Variants in ABCA13 observed in about 807,000 individuals in gnomAD.
ABCA13 encodes the protein ATP-binding cassette sub-family A member 13.
ABCA13 carries 476 observed loss-of-function variants against 478.7 expected under a neutral mutation model. The observed-to-expected ratio is 0.99, with a 90% confidence interval of 0.92 to 1.07. The LOEUF (loss-of-function observed/expected upper bound fraction) is 1.07, where lower values mean the gene tolerates loss of function less well. Among genes scored for constraint, ABCA13 ranks in the 50% least tolerant of loss-of-function variants. The pLI, the probability that ABCA13 is intolerant of heterozygous loss-of-function variation, is 0.00. For missense variants in ABCA13, 6,060 were observed against 5,910.6 expected (o/e 1.03, Z -0.83); for synonymous variants, 2,252 against 2,158.9 (o/e 1.04, Z -1.20).
At chr7:48,389,353 G>A (rs1306021692) in intron 37 of ABCA13, 133 bp downstream of exon 37, 9 of 1,035,138 alleles carry the variant, frequency 8.7e-6, no homozygotes, top group East Asian at 2.6e-5. Context: ...TTAGAGACAC[G>A]GGTGAAAGGC....
At chr7:48,225,771 G>A (rs1188906990) in intron 5 of ABCA13, among the ~76,000 whole-genome samples, 1 of 152,152 alleles carries the variant, frequency 6.6e-6, no homozygotes, top group African/African-American at 2.4e-5. Context: ...CATGCTGATA[G>A]GAATGAACCG....
intron 59 of ABCA13, among the ~76,000 whole-genome samples, chr7:48,619,223 A>G (rs1432862546): frequency 6.6e-6 from 1 of 152,218 alleles, no homozygotes; most frequent in Non-Finnish European, 1.5e-5. Flanking sequence ...CTTTGAGATT[A>G]TAGAGTTGTA....
intron 20 of ABCA13, among the ~76,000 whole-genome samples, chr7:48,291,674 C>T (rs1179521765): frequency 6.6e-5 from 10 of 152,110 alleles, no homozygotes; most frequent in African/African-American, 1.9e-4. Flanking sequence ...CAGGCATGCC[C>T]GGGTTATGTG....
chr7:48,547,360 T>C (rs1249475845), intron 55 of ABCA13, among the ~76,000 whole-genome samples: 2 of 152,064 alleles, frequency 1.3e-5, no homozygotes, highest in East Asian at 3.9e-4. Context: ...ACAAAGTATC[T>C]CTTAGCTGAA....
At chr7:48,579,015 A>T (rs144612345) in intron 55 of ABCA13, among the ~76,000 whole-genome samples, 60 of 152,374 alleles carry the variant, frequency 3.9e-4, no homozygotes, top group Non-Finnish European at 7.8e-4. Flanking sequence ...TGATTGTAAA[A>T]TACAAATTAT....
chr7:48,242,806 A>G (rs1221203271), intron 10 of ABCA13, among the ~76,000 whole-genome samples: 1 of 152,204 alleles, frequency 6.6e-6, no homozygotes, highest in African/African-American at 2.4e-5. Context: ...TATATCTTTT[A>G]TCATTAGCTT....
chr7:48,474,995 G>A (rs1476280627), intron 45 of ABCA13, among the ~76,000 whole-genome samples: 1 of 152,200 alleles, frequency 6.6e-6, no homozygotes, highest in African/African-American at 2.4e-5. Flanking sequence ...TGCAAATGCT[G>A]GATAAAGCAG....
At chr7:48,556,510 A>T (rs1785843319) in intron 55 of ABCA13, among the ~76,000 whole-genome samples, 1 of 151,882 alleles carries the variant, frequency 6.6e-6, no homozygotes, top group African/African-American at 2.4e-5. Flanking sequence ...AATATTTACA[A>T]TTGTTTTACC....
chr7:48,336,424 A>G (rs1425918903), intron 28 of ABCA13, among the ~76,000 whole-genome samples: 1 of 152,200 alleles, frequency 6.6e-6, no homozygotes. Flanking sequence ...GTTGGAAGCA[A>G]GGTTGTCAGT....
chr7:48,542,104 T>C (rs1404097328), intron 55 of ABCA13, among the ~76,000 whole-genome samples: 2 of 151,606 alleles, frequency 1.3e-5, no homozygotes, highest in African/African-American at 4.8e-5. Context: ...AGAAATTCTG[T>C]ATATGAAAGA....
chr7:48,364,429 A>G lies in ABCA13; in HGVS notation c.10689-3365A>G, dbSNP rs565635159. ...ATCTCTTTGTGTTAGGAATATTACA[A>G]AGCCTGTCTTCTAGCTATTTTGAAA... On this transcript the variant is annotated intron_variant, in intron 31 of 61. Coordinates refer to ENST00000435803, the MANE Select transcript of ABCA13 (RefSeq NM_152701.5). Among the ~76,000 whole-genome samples, 12 of 152,288 alleles carry G rather than the reference A, an allele frequency of 7.9e-5. No homozygotes were observed. The East Asian group carries it at 1.5e-3, about 20-fold the overall frequency.
Position 48,273,955 on chromosome 7 carries a change from A to C in ABCA13, c.4289A>C (p.Lys1430Thr). 1 of 1,611,010 alleles carries C rather than the reference A, an allele frequency of 6.2e-7. No homozygotes were observed. The highest frequency in any genetic ancestry group is 8.5e-7 in the Non-Finnish European group (1 of 1,178,182). Residue 1430 changes from lysine to threonine, a missense_variant, in exon 17 of 62, where the codon AAA becomes ACA. Around this residue, in one of 3 missense-constraint regions of ABCA13, gnomAD observed 4,423 missense variants for 4,309.1 expected, o/e 1.03. Coordinates refer to ENST00000435803, the MANE Select transcript of ABCA13 (RefSeq NM_152701.5). Reference protein sequence around the residue: ...ILGNFRDIENKMNSILKIVTW... With the variant: ...ILGNFRDIENTMNSILKIVTW... ...GGGAATTTCAGAGATATAGAAAACA[A>C]AATGAACTCTATATTAAAAATTGTA...
chr7:48,189,453 A>T (rs1453706602), intron 1 of ABCA13, among the ~76,000 whole-genome samples: 1 of 152,190 alleles, frequency 6.6e-6, no homozygotes, highest in Non-Finnish European at 1.5e-5. Flanking sequence ...ACAATGAAAG[A>T]TATTTTTTCA....
At chr7:48,571,897 G>A (rs776933743) in intron 55 of ABCA13, among the ~76,000 whole-genome samples, 18 of 152,246 alleles carry the variant, frequency 1.2e-4, no homozygotes, top group Non-Finnish European at 2.1e-4. Flanking sequence ...ATTAACATAG[G>A]CTGGGTGCAG....
At chr7:48,549,765 C>T (rs34418856) in intron 55 of ABCA13, among the ~76,000 whole-genome samples, 8,290 of 151,868 alleles carry the variant, frequency 0.055, 381 homozygotes, top group South Asian at 0.086. Flanking sequence ...TTCTGACTGA[C>T]GTGAGATGGT....
intron 19 of ABCA13, among the ~76,000 whole-genome samples, chr7:48,284,895 T>C (rs1181403088): frequency 6.6e-6 from 1 of 152,126 alleles, no homozygotes; most frequent in African/African-American, 2.4e-5. Flanking sequence ...TAGCCCCTCC[T>C]CTCCCATCAT....
chr7:48,419,984 TAGAGG>T (rs1262519518), intron 41 of ABCA13, among the ~76,000 whole-genome samples: 1 of 152,228 alleles, frequency 6.6e-6, no homozygotes, highest in Non-Finnish European at 1.5e-5. Context: ...TTTTGTTTGG[TAGAGG>T]CTATAAAATG....
intron 59 of ABCA13, among the ~76,000 whole-genome samples, chr7:48,643,043 G>A (rs1456022851): frequency 6.6e-6 from 1 of 152,102 alleles, no homozygotes; most frequent in Admixed American, 6.6e-5. Context: ...TTGACTGGGT[G>A]TTGATTCTGG....
At chr7:48,188,856 T>C (rs1376051427) in intron 1 of ABCA13, among the ~76,000 whole-genome samples, 1 of 152,126 alleles carries the variant, frequency 6.6e-6, no homozygotes, top group African/African-American at 2.4e-5. Context: ...GGAATGGTAG[T>C]GGAACAGGGA....
Sources: gnomAD v4.1 joint callset for allele counts (sites outside exome capture counted in the v4.1 genomes callset) on GRCh38, gnomAD v4.1.1 for gene constraint, gnomAD v4.1.1 regional missense constraint, MANE v1.5 for transcripts, NCBI Gene and HGNC (gene_info 2026-07-23, HGNC 2026-07-21) for gene names.